FILIP1: variants seen among roughly 807,000 people sequenced by gnomAD.
FILIP1 encodes the protein filamin A interacting protein 1.
FILIP1 carries 61 observed loss-of-function variants against 102.1 expected under a neutral mutation model. That is an observed-to-expected ratio of 0.60 (90% confidence interval 0.49 to 0.74). FILIP1 has a LOEUF of 0.74. FILIP1 is among the 30% of genes least tolerant of loss of function. FILIP1 has a pLI of 0.00. For synonymous variants in FILIP1, 491 were observed against 526.9 expected (o/e 0.93, Z 0.93); for missense variants, 1,314 against 1,441.2 (o/e 0.91, Z 1.43).
intron 4 of FILIP1, among the ~76,000 whole-genome samples, chr6:75,332,218 C>G (rs555131059): frequency 6.6e-6 from 1 of 152,266 alleles, no homozygotes; most frequent in Admixed American, 6.5e-5. Flanking sequence ...TTCTTATGTC[C>G]TCTCCCCAAA....
At chr6:75,371,012 C>T (rs977792496) in intron 2 of FILIP1, among the ~76,000 whole-genome samples, 12 of 151,998 alleles carry the variant, frequency 7.9e-5, no homozygotes, top group African/African-American at 2.7e-4. Context: ...ATACTATTTA[C>T]CTGAGTTGGA....
chr6:75,333,171 A>G (rs1000114190), intron 4 of FILIP1, among the ~76,000 whole-genome samples: 1 of 152,154 alleles, frequency 6.6e-6, no homozygotes. Flanking sequence ...CCTTTTTACA[A>G]TGGCAGTTGG....
At chr6:75,380,647 C>T (rs895622106) in intron 2 of FILIP1, among the ~76,000 whole-genome samples, 8 of 151,784 alleles carry the variant, frequency 5.3e-5, no homozygotes, top group Middle Eastern at 3.2e-3. Context: ...AGAAATATGA[C>T]GTTATGTTTA....
chr6:75,454,140 C>T (rs189230717), intron 1 of FILIP1, among the ~76,000 whole-genome samples: 23 of 152,216 alleles, frequency 1.5e-4, no homozygotes, highest in African/African-American at 2.6e-4. Flanking sequence ...GGAGGCTCTG[C>T]GAAGAACCTG....
intron 6 of FILIP1, among the ~76,000 whole-genome samples, chr6:75,297,214 T>C (rs928589291): frequency 2.0e-5 from 3 of 152,220 alleles, no homozygotes; most frequent in African/African-American, 7.2e-5. Flanking sequence ...AAATACCTAG[T>C]ATTTAAGTTT....
chr6:75,419,572 G>C (rs76247347), intron 1 of FILIP1, among the ~76,000 whole-genome samples: 1,568 of 152,238 alleles, frequency 0.01, 10 homozygotes, highest in South Asian at 0.017. Flanking sequence ...AAGGTGGCCT[G>C]GCAAAAGGCC....
chr6:75,308,076 C>T (rs1025098993), downstream of FILIP1: 2 of 985,796 alleles, frequency 2.0e-6, no homozygotes, highest in South Asian at 9.4e-5. Flanking sequence ...ATAAGTAAAA[C>T]TCTGTTCTTA....
At chr6:75,372,686 A>AAAGAAAGAAAGG (rs1395213013) in intron 2 of FILIP1, among the ~76,000 whole-genome samples, 1 of 27,190 alleles carries the variant, frequency 3.7e-5, no homozygotes, top group East Asian at 7.1e-4. Flanking sequence ...AGAAAGAAAG[A>AAAGAAAGAAAGG]GAAAGAAAGA....
intron 6 of FILIP1, among the ~76,000 whole-genome samples, chr6:75,302,645 A>T (rs752460965): frequency 1.3e-5 from 2 of 152,162 alleles, no homozygotes; most frequent in Non-Finnish European, 2.9e-5. Flanking sequence ...CCTGACAGTC[A>T]AGCAATTATT....
chr6:75,474,338 T>G (rs1779413362), intron 1 of FILIP1, among the ~76,000 whole-genome samples: 1 of 152,220 alleles, frequency 6.6e-6, no homozygotes, highest in Non-Finnish European at 1.5e-5. Flanking sequence ...AACATATATT[T>G]GTTTCTAACT....
chr6:75,412,677 A>G (rs1052863904), intron 2 of FILIP1, among the ~76,000 whole-genome samples: 2 of 152,212 alleles, frequency 1.3e-5, no homozygotes, highest in African/African-American at 4.8e-5. Context: ...ATATATCTAT[A>G]GTTCTAAATA....
At chr6:75,329,316 C>T (rs1773982753) in intron 4 of FILIP1, among the ~76,000 whole-genome samples, 1 of 152,200 alleles carries the variant, frequency 6.6e-6, no homozygotes, top group South Asian at 2.1e-4. Flanking sequence ...TTGACACTCC[C>T]ACTTTTCAAC....
At chr6:75,346,573 A>G (rs1340741802) in intron 4 of FILIP1, among the ~76,000 whole-genome samples, 2 of 152,188 alleles carry the variant, frequency 1.3e-5, no homozygotes, top group Non-Finnish European at 2.9e-5. Flanking sequence ...CACTGATAGT[A>G]GGTATGTTAC....
At chr6:75,381,463 C>T (rs992506710) in intron 2 of FILIP1, among the ~76,000 whole-genome samples, 3 of 152,032 alleles carry the variant, frequency 2.0e-5, no homozygotes, top group Admixed American at 6.6e-5. Flanking sequence ...CTCCTGACCT[C>T]GTTATCTGCC....
chr6:75,330,400 T>G (rs192309836), intron 4 of FILIP1, among the ~76,000 whole-genome samples: 59 of 152,230 alleles, frequency 3.9e-4, no homozygotes, highest in African/African-American at 1.3e-3. Flanking sequence ...CCTCGTACAC[T>G]TTTTTTCTCC....
intron 4 of FILIP1, among the ~76,000 whole-genome samples, chr6:75,327,078 ATTCT>A (rs1773889439): frequency 1.3e-5 from 2 of 152,094 alleles, no homozygotes; most frequent in South Asian, 4.1e-4. Flanking sequence ...TGAGCTGTTC[ATTCT>A]TTATCTCTTC....
At chr6:75,477,451 T>C (rs1329859345) in intron 1 of FILIP1, among the ~76,000 whole-genome samples, 3 of 152,114 alleles carry the variant, frequency 2.0e-5, no homozygotes, top group Non-Finnish European at 4.4e-5. Context: ...AAATGATAGG[T>C]GATGAATATT....
rs759870641 is a variant in FILIP1 at position 75,312,424 on chromosome 6, C to T, written c.3408G>A (p.Thr1136=). The part of the protein sequence containing the change: ...TSTITITPVT[T]SSARGTQSVS... ...CTGACTGGGTTCCTCGAGCAGATGA[C>T]GTTGTGACCGGTGTTATGGTGATAG... The change falls in exon 5 of 6, where the codon ACG becomes ACA. Residue 1136 remains threonine (T), a synonymous_variant. Coordinates refer to ENST00000237172, the MANE Select transcript of FILIP1 (RefSeq NM_015687.5). 5.6e-6 allele frequency: 9 copies of T among 1,613,806 alleles called. No individual in the cohort carries two copies. Among genetic ancestry groups the T allele is most frequent in the South Asian group, 4.4e-5 (4 of 91,052 alleles).
At chr6:75,361,083 C>T (rs921729396) in intron 3 of FILIP1, among the ~76,000 whole-genome samples, 2 of 152,226 alleles carry the variant, frequency 1.3e-5, no homozygotes, top group Non-Finnish European at 2.9e-5. Flanking sequence ...CCTTCTCACT[C>T]ACTTCTCCCC....
Sources: allele counts gnomAD v4.1 joint callset (sites outside exome capture counted in the v4.1 genomes callset), GRCh38; gene constraint gnomAD v4.1.1; transcripts MANE v1.5; gene names NCBI Gene and HGNC (gene_info 2026-07-23, HGNC 2026-07-21).